The following UPF1 variants were observed in gnomAD, a reference collection of about 807,000 sequenced individuals.
UPF1 encodes regulator of nonsense transcripts 1.
In UPF1, 9 loss-of-function variants were observed where a neutral mutation model predicts 129.2. The observed-to-expected ratio is 0.07, with a 90% CI of 0.04 to 0.12. The LOEUF (loss-of-function observed/expected upper bound fraction) is 0.12. Among genes scored for constraint, UPF1 ranks in the 10% least tolerant of loss-of-function variants. The pLI, the probability that UPF1 is intolerant of heterozygous loss-of-function variation, is 1.00. For missense variants in UPF1, 788 were observed against 1,525.3 expected (o/e 0.52, Z 8.05); for synonymous variants, 649 against 644.9 (o/e 1.01, Z -0.10).
At chr19:18,841,650 C>A (rs2055542412) in intron 1 of UPF1, among the ~76,000 whole-genome samples, 1 of 152,158 alleles carries the variant, frequency 6.6e-6, no homozygotes, top group African/African-American at 2.4e-5. Flanking sequence ...GGACTGAACC[C>A]CTCATTGTCA....
At position 18,857,040 on chromosome 19, in the gene UPF1, C is replaced by T. The variant is rs891989465; in HGVS notation, c.1968+20C>T. ...AAGCAGGTGGGCTGCCTCCCCTGCC[C>T]TCCTGTGTGAAAACTCGTGTGTGTG... On this transcript the variant is annotated intron_variant, in intron 14 of 23. Transcript: ENST00000262803. The T allele has an allele frequency of 1.3e-6, 2 of 1,598,634 alleles. No homozygotes were observed. Among genetic ancestry groups the T allele is most frequent in the Non-Finnish European group, 1.7e-6 (2 of 1,172,318 alleles).
intron 1 of UPF1, among the ~76,000 whole-genome samples, chr19:18,835,335 A>G (rs1289350950): frequency 6.6e-6 from 1 of 150,596 alleles, no homozygotes; most frequent in Non-Finnish European, 1.5e-5. Flanking sequence ...GGTATGTGTC[A>G]TCATTTCATT....
intron 15 of UPF1, 112 bp from the exon 16 acceptor site, chr19:18,860,209 C>T (rs184536923): frequency 7.2e-5 from 83 of 1,147,642 alleles, no homozygotes; most frequent in Middle Eastern, 2.1e-4. Flanking sequence ...ATCGAAGTCT[C>T]CTGCCCCAGG....
intron 1 of UPF1, among the ~76,000 whole-genome samples, chr19:18,840,850 C>T (rs188689904): frequency 2.7e-4 from 41 of 152,312 alleles, no homozygotes; most frequent in Admixed American, 9.1e-4. Context: ...GCTTAAGAGC[C>T]GGGTAACCCA....
Position 18,855,987 on chromosome 19 carries a change from A to G in UPF1, c.1607A>G (p.Gln536Arg), listed in dbSNP as rs1176358000. Residue 536 changes from glutamine (Q) to arginine (R), a missense_variant, in exon 12 of 24, where the codon CAG (glutamine) becomes CGG (arginine). By Grantham distance (43) the Gln-to-Arg change is conservative (BLOSUM62 1). This residue lies in a region of UPF1 where 91 missense variants were observed against 157.2 expected (regional missense o/e 0.58). Coordinates refer to ENST00000262803, the MANE Select transcript of UPF1 (RefSeq NM_002911.4). Reference sequence around the variant, plus strand: ...GACCAGCTAACGGAGAAGATCCACCAGACGGGGCTAAAGGTCGTGCGCCTC... The same window carrying G: ...GACCAGCTAACGGAGAAGATCCACCGGACGGGGCTAAAGGTCGTGCGCCTC... ...AVDQLTEKIH[Q>R]TGLKVVRLCA... 1 of 1,614,004 alleles carries G rather than the reference A, an allele frequency of 6.2e-7. No homozygotes were observed. Among genetic ancestry groups the G allele is most frequent in the South Asian group, 1.1e-5 (1 of 91,086 alleles).
At chr19:18,860,120 G>GGTC in intron 15 of UPF1, 38 of 622,316 alleles carry the variant, frequency 6.1e-5, no homozygotes, top group Admixed American at 3.1e-4. Context: ...TGCTCTCGGT[G>GGTC]GCCTCTCCTC....
At chr19:18,857,045 G>A (rs2055726509) in intron 14 of UPF1, 25 bp downstream of exon 14, 1 of 1,596,608 alleles carries the variant, frequency 6.3e-7, no homozygotes, top group South Asian at 1.1e-5. Context: ...CTGCCCTCCT[G>A]TGTGAAAACT....
intron 20 of UPF1, 38 bp downstream of exon 20, chr19:18,864,289 C>T (rs2055814947): frequency 1.3e-6 from 2 of 1,567,118 alleles, no homozygotes; most frequent in Admixed American, 1.7e-5. Context: ...GACCCCTTGT[C>T]CTCACACCGG....
At chr19:18,862,343 G>T (rs2055789410) in intron 18 of UPF1, among the ~76,000 whole-genome samples, 191 bp downstream of exon 18, 3 of 152,154 alleles carry the variant, frequency 2.0e-5, no homozygotes, top group Admixed American at 2.0e-4. Context: ...CTGTGCCTCA[G>T]CCCAGCAGGA....
Position 18,856,192 on chromosome 19 carries a change from T to TGAGCTGCAG in UPF1, c.1717_1725dup (p.Glu573_Gln575dup). On this transcript the variant is annotated inframe_insertion, in exon 13 of 24. Coordinates refer to ENST00000262803, the MANE Select transcript of UPF1 (RefSeq NM_002911.4). The stretch of plus-strand genomic sequence containing the variant: ...GACCTGCATGTGCTTCCAGCATGCC[T>TGAGCTGCAG]GAGCTGCAGAAGCTGCAGCAGCTGA... 1 of 1,609,220 alleles carries TGAGCTGCAG rather than the reference T, an allele frequency of 6.2e-7. No homozygotes were observed. Among genetic ancestry groups the TGAGCTGCAG allele is most frequent in the Non-Finnish European group, 8.5e-7 (1 of 1,176,184 alleles).
In UPF1 at chr19:18,850,290, C is replaced by T. The variant is rs375203155; in HGVS notation, c.629+48C>T. Reference sequence around the variant, plus strand: ...CTGGGGGTGACCTTTAAGCTCCAGCCGTCTCCTCACAAGCCTTGGCCCAGC... The same window carrying T: ...CTGGGGGTGACCTTTAAGCTCCAGCTGTCTCCTCACAAGCCTTGGCCCAGC... On this transcript the variant is annotated intron_variant, in intron 4 of 23. Coordinates refer to ENST00000262803, the MANE Select transcript of UPF1 (RefSeq NM_002911.4). The surrounding 1 kb of genome is among the most constrained non-coding windows in gnomAD (Gnocchi z 7.1). 128 of 1,526,524 alleles carry T rather than the reference C, an allele frequency of 8.4e-5. No individual in the cohort carries two copies. The highest frequency in any genetic ancestry group is 1.0e-4 in the Non-Finnish European group (119 of 1,139,042). The allele number at this position is 1,526,524 out of a possible 1,614,324, so 94.6% of individuals were successfully genotyped here.
Position 18,860,882 on chromosome 19 carries a change from A to G in UPF1, c.2357A>G (p.Lys786Arg), listed in dbSNP as rs1467243448. 6.2e-7 allele frequency: 1 copy of G among 1,610,358 alleles called. No homozygotes were observed. Among genetic ancestry groups the G allele is most frequent in the African/African-American group, 1.3e-5 (1 of 74,866 alleles). The change falls in exon 17 of 24, where the codon AAG becomes AGG. Residue 786 changes from lysine to arginine, a missense_variant. This residue lies in a region of UPF1 where 140 missense variants were observed against 385.9 expected (regional missense o/e 0.36). Transcript: ENST00000262803. ...ACGAAGTTGCTGAAGGCAGGCGCCA[A>G]GCCGGACCAGATTGGCATCATCACG... ...ITTKLLKAGAKPDQIGIITPY... is the reference protein window; with the variant it reads ...ITTKLLKAGARPDQIGIITPY...
rs1299528605 is a variant in UPF1, at chr19:18,852,131, C to T, written c.811-4C>T. 2 of 1,601,910 alleles carry T rather than the reference C, an allele frequency of 1.2e-6. No individual in the cohort carries two copies. Among genetic ancestry groups the T allele is most frequent in the Admixed American group, 3.5e-5 (2 of 57,038 alleles). On this transcript the variant is annotated splice_region_variant and splice_polypyrimidine_tract_variant and intron_variant, in intron 5 of 23. Coordinates refer to ENST00000262803, the MANE Select transcript of UPF1 (RefSeq NM_002911.4). ...GAGTGTGGCGCGGTGTTGTTGTCTT[C>T]TAGGAAAACCCTTCTGCCACGCTGG...
intron 15 of UPF1, among the ~76,000 whole-genome samples, chr19:18,857,842 C>T (rs569542493): frequency 1.1e-4 from 16 of 152,356 alleles, no homozygotes; most frequent in African/African-American, 3.6e-4. Flanking sequence ...CGGGCCTTAA[C>T]GTGGGCTGTG....
intron 17 of UPF1, among the ~76,000 whole-genome samples, chr19:18,861,612 C>T (rs535415357): frequency 1.4e-4 from 21 of 152,264 alleles, no homozygotes; most frequent in African/African-American, 3.6e-4. Flanking sequence ...GCAGGGAAGT[C>T]GCTTGAGGCT....
At position 18,841,148 on chromosome 19, in the gene UPF1, C is replaced by T. The variant is rs531883412; in HGVS notation, c.232-4832C>T. 2.6e-5 allele frequency among the ~76,000 whole-genome samples: 4 copies of T among 152,240 alleles called. 1 individual carries two copies. Among genetic ancestry groups the T allele is most frequent in the South Asian group, 4.1e-4 (2 of 4,836 alleles). On this transcript the variant is annotated intron_variant, in intron 1 of 23. Coordinates refer to ENST00000262803, the MANE Select transcript of UPF1 (RefSeq NM_002911.4). Reference sequence around the variant, plus strand: ...CCCTGCTGCATCCTCCGTGTAGAAACGTCTACGATGAATTCTCTAACATAC... The same window carrying T: ...CCCTGCTGCATCCTCCGTGTAGAAATGTCTACGATGAATTCTCTAACATAC...
At chr19:18,861,508 C>T (rs905753281) in intron 17 of UPF1, among the ~76,000 whole-genome samples, 1 of 152,194 alleles carries the variant, frequency 6.6e-6, no homozygotes, top group African/African-American at 2.4e-5. Context: ...AGCACGTGTG[C>T]TCTTAGTGCT....
rs979006947 is a variant in UPF1 at position 18,851,508 on chromosome 19, G to C, written c.811-627G>C. ...ATTTTTTTAAGCATTGTTCAGCCGGGTACCTTTCCACTTGGATTTTCCGGT... is the reference window on the plus strand; with the variant it reads ...ATTTTTTTAAGCATTGTTCAGCCGGCTACCTTTCCACTTGGATTTTCCGGT... On this transcript the variant is annotated intron_variant, in intron 5 of 23. Transcript: ENST00000262803. The surrounding 1 kb of genome is among the most constrained non-coding windows in gnomAD (Gnocchi z 4.2). Among the ~76,000 whole-genome samples the C allele has an allele frequency of 6.6e-6, 1 of 152,200 alleles. No homozygotes were observed. Among genetic ancestry groups the C allele is most frequent in the Admixed American group, 6.5e-5 (1 of 15,282 alleles).
chr19:18,851,427 A>G lies in UPF1; in HGVS notation c.810+559A>G, dbSNP rs1166976544. On this transcript the variant is annotated intron_variant, in intron 5 of 23. Transcript: ENST00000262803. This position sits in a 1 kb window ranked among gnomAD's most constrained non-coding sequence, Gnocchi z 4.2. ...TCTAATAACTAGGCTAGAAGTTTTCATTTGCCTCCCATTCAGTCAGAAATC... is the reference window on the plus strand; with the variant it reads ...TCTAATAACTAGGCTAGAAGTTTTCGTTTGCCTCCCATTCAGTCAGAAATC... Among the ~76,000 whole-genome samples the G allele has an allele frequency of 6.6e-6, 1 of 152,174 alleles. No individual in the cohort carries two copies.
Sources: allele counts gnomAD v4.1 joint callset (sites outside exome capture counted in the v4.1 genomes callset), GRCh38; gene constraint gnomAD v4.1.1; regional missense constraint gnomAD v4.1.1; non-coding constraint Gnocchi (gnomAD v3.1); transcripts MANE v1.5; gene names NCBI Gene and HGNC (gene_info 2026-07-23, HGNC 2026-07-21).